The following ZFR variants were observed in gnomAD, a reference collection of about 807,000 sequenced individuals.
ZFR encodes the protein zinc finger RNA-binding protein.
In ZFR, 19 loss-of-function variants were observed where a neutral mutation model predicts 130.7. The ratio of observed to expected loss-of-function variants is 0.15; its 90% confidence interval spans 0.10 to 0.21. The LOEUF (loss-of-function observed/expected upper bound fraction) is 0.21, where lower values mean the gene tolerates loss of function less well. ZFR is among the 10% of genes least tolerant of loss of function. The pLI, the probability that ZFR is intolerant of heterozygous loss-of-function variation, is 1.00. For synonymous variants in ZFR, 466 were observed against 456.9 expected (o/e 1.02, Z -0.25); for missense variants, 872 against 1,321.5 (o/e 0.66, Z 5.27).
intron 17 of ZFR, among the ~76,000 whole-genome samples, chr5:32,377,038 T>C (rs1351573299): frequency 1.4e-5 from 2 of 147,128 alleles, no homozygotes; most frequent in Non-Finnish European, 3.0e-5. Context: ...GCGCCTGTAG[T>C]CCCAGCTACT....
At position 32,403,296 on chromosome 5, in the gene ZFR, C is replaced by CACT; in HGVS notation, c.1325_1326insAGT (p.Pro442_Thr443insVal). 3.7e-6 allele frequency: 6 copies of CACT among 1,614,154 alleles called. No individual in the cohort carries two copies. The highest frequency in any genetic ancestry group is 5.1e-6 in the Non-Finnish European group (6 of 1,180,030). Reference sequence around the variant, plus strand: ...CTGCAATGCTTGAAGGAGAGGCAGTCGGCTTTGAAGCAGATACAGCTGTTG... The same window carrying CACT: ...CTGCAATGCTTGAAGGAGAGGCAGTCACTGGCTTTGAAGCAGATACAGCTGTTG... On this transcript the variant is annotated inframe_insertion, in exon 8 of 20. Transcript: ENST00000265069.
At chr5:32,392,749 C>T (rs1489907671) in intron 11 of ZFR, among the ~76,000 whole-genome samples, 3 of 152,178 alleles carry the variant, frequency 2.0e-5, no homozygotes, top group Non-Finnish European at 4.4e-5. Context: ...AATTCCAGCA[C>T]TTTGGGAGAC....
In ZFR at chr5:32,403,761, C is replaced by T. The variant is rs1753520486; in HGVS notation, c.1224+145G>A. 5.8e-6 allele frequency: 4 copies of T among 689,780 alleles called. No homozygotes were observed. In the South Asian group the frequency reaches 8.4e-5, roughly 14 times the overall value. The allele number at this position is 689,780 out of a possible 1,614,324, so 42.7% of individuals were successfully genotyped here. A position where few individuals can be genotyped will look rare whatever the true frequency, so the allele number is the denominator to read the frequency against. ...TTTTAGCAATGATTATTTGATGTCA[C>T]CTTTATGTATTATTAGCACATAAGC... On this transcript the variant is annotated intron_variant, in intron 7 of 19. Transcript: ENST00000265069.
intron 15 of ZFR, among the ~76,000 whole-genome samples, chr5:32,382,716 TCTC>T (rs1296159936): frequency 1.3e-5 from 2 of 152,024 alleles, no homozygotes; most frequent in African/African-American, 4.8e-5. Flanking sequence ...TTCAAGCAAT[TCTC>T]CTGCCTCAGC....
At chr5:32,358,816 A>T (rs759449081) in intron 19 of ZFR, among the ~76,000 whole-genome samples, 1 of 152,126 alleles carries the variant, frequency 6.6e-6, no homozygotes, top group African/African-American at 2.4e-5. Flanking sequence ...AAAAGAGCCT[A>T]CTGTTTTCCA....
In ZFR at chr5:32,420,024, C is replaced by T; in HGVS notation, c.217G>A (p.Ala73Thr). ...SYTVHQAPVAAHTVTAAYAPA... is the reference protein window; with the variant it reads ...SYTVHQAPVATHTVTAAYAPA... ...GCATAGGCAGCAGTAACTGTGTGAG[C>T]AGCTACTGGAGCCTGATGGACAGTG... The change falls in exon 3 of 20, where the codon GCT becomes ACT. Residue 73 changes from alanine to threonine, a missense_variant. Coordinates refer to ENST00000265069, the MANE Select transcript of ZFR (RefSeq NM_016107.5). The T allele has an allele frequency of 1.9e-6, 3 of 1,613,668 alleles. No homozygotes were observed. The highest frequency in any genetic ancestry group is 2.5e-6 in the Non-Finnish European group (3 of 1,180,006).
intron 2 of ZFR, among the ~76,000 whole-genome samples, chr5:32,431,796 T>C (rs1458500098): frequency 1.3e-5 from 2 of 151,138 alleles, no homozygotes; most frequent in African/African-American, 4.9e-5. Context: ...ACAAACTTCC[T>C]CACAGAATCA....
intron 1 of ZFR, 137 bp from the exon 2 acceptor site, chr5:32,444,465 C>T: frequency 7.8e-7 from 1 of 1,283,070 alleles, no homozygotes; most frequent in Non-Finnish European, 1.0e-6. Flanking sequence ...GCGGCCGCGC[C>T]GCCTCCCCCT....
intron 17 of ZFR, among the ~76,000 whole-genome samples, chr5:32,366,898 T>A (rs1752560152): frequency 1.3e-5 from 2 of 151,254 alleles, no homozygotes; most frequent in Non-Finnish European, 2.9e-5. Context: ...TTTTTTTTTT[T>A]ACAGACAGGC....
intron 19 of ZFR, among the ~76,000 whole-genome samples, chr5:32,360,861 G>A (rs1490891607): frequency 2.0e-5 from 3 of 152,044 alleles, no homozygotes; most frequent in Middle Eastern, 3.2e-3. Flanking sequence ...CAAACTGTTC[G>A]GATTACAGGC....
chr5:32,370,310 G>GGGGGGAGA (rs1752635614), intron 17 of ZFR, among the ~76,000 whole-genome samples: 1 of 69,788 alleles, frequency 1.4e-5, no homozygotes, highest in Non-Finnish European at 2.6e-5. Context: ...TGTTGTGGGG[G>GGGGGGAGA]GAGAGAGAGA....
At chr5:32,367,291 C>T (rs1419146129) in intron 17 of ZFR, among the ~76,000 whole-genome samples, 2 of 151,662 alleles carry the variant, frequency 1.3e-5, no homozygotes, top group African/African-American at 2.4e-5. Flanking sequence ...AAAAATTAGC[C>T]GGGTGTGGTG....
intron 5 of ZFR, among the ~76,000 whole-genome samples, chr5:32,407,322 G>A (rs1046865438): frequency 2.4e-4 from 37 of 151,434 alleles, no homozygotes; most frequent in Non-Finnish European, 2.9e-5. Context: ...TGACAAACTT[G>A]TCTGTTTATA....
intron 6 of ZFR, among the ~76,000 whole-genome samples, chr5:32,404,879 C>T (rs1234178792): frequency 6.6e-6 from 1 of 152,012 alleles, no homozygotes; most frequent in African/African-American, 2.4e-5. Context: ...TGCGGTGGCA[C>T]AATCTTGGGT....
chr5:32,397,566 G>A (rs373065364), intron 9 of ZFR, among the ~76,000 whole-genome samples: 10 of 152,038 alleles, frequency 6.6e-5, no homozygotes, highest in South Asian at 6.2e-4. Context: ...CGATTCTCCC[G>A]CCTCAGCCAC....
chr5:32,356,072 C>G (rs576423007), intron 19 of ZFR, 133 bp from the exon 20 acceptor site: 3 of 618,176 alleles, frequency 4.9e-6, no homozygotes, highest in Non-Finnish European at 7.5e-6. Flanking sequence ...GAATTACTTT[C>G]ACAACTGAAA....
At position 32,420,038 on chromosome 5, in the gene ZFR, T is replaced by C. The variant is rs1201329758; in HGVS notation, c.203A>G (p.Gln68Arg). 6.2e-7 allele frequency: 1 copy of C among 1,613,386 alleles called. No individual in the cohort carries two copies. The highest frequency in any genetic ancestry group is 8.5e-7 in the Non-Finnish European group (1 of 1,179,934). Reference protein sequence around the residue: ...PTTVASYTVHQAPVAAHTVTA... With the variant: ...PTTVASYTVHRAPVAAHTVTA... ...AACTGTGTGAGCAGCTACTGGAGCC[T>C]GATGGACAGTGTAGCTAGCAACTGT... is the stretch of plus-strand genomic sequence containing the variant. The change falls in exon 3 of 20, where the codon CAG becomes CGG. Residue 68 changes from glutamine (Q) to arginine (R), a missense_variant. This residue lies in a region of ZFR where 240 missense variants were observed against 441.2 expected (regional missense o/e 0.54). Coordinates refer to ENST00000265069, the MANE Select transcript of ZFR (RefSeq NM_016107.5).
At chr5:32,411,339 T>C (rs1448657984) in intron 5 of ZFR, among the ~76,000 whole-genome samples, 2 of 152,166 alleles carry the variant, frequency 1.3e-5, no homozygotes, top group Non-Finnish European at 1.5e-5. Context: ...GATTATAATA[T>C]AGTCGCTCTC....
At chr5:32,377,880 C>T (rs1752859735) in intron 17 of ZFR, among the ~76,000 whole-genome samples, 3 of 151,864 alleles carry the variant, frequency 2.0e-5, no homozygotes, top group South Asian at 2.1e-4. Flanking sequence ...TTAGTAGAGA[C>T]GAGGTTTCAC....
Sources: allele counts gnomAD v4.1 joint callset (sites outside exome capture counted in the v4.1 genomes callset), GRCh38; gene constraint gnomAD v4.1.1; regional missense constraint gnomAD v4.1.1; transcripts MANE v1.5; gene names NCBI Gene and HGNC (gene_info 2026-07-23, HGNC 2026-07-21).